Variants in NUBPL observed in about 807,000 individuals in gnomAD.
NUBPL encodes NUBP iron-sulfur cluster assembly factor, mitochondrial, also known as iron-sulfur cluster transfer protein NUBPL.
A neutral mutation model predicts 45.7 loss-of-function variants in NUBPL; 31 were observed. The ratio of observed to expected loss-of-function variants is 0.68; its 90% confidence interval spans 0.51 to 0.92. The LOEUF is 0.92. NUBPL is among the 40% of genes least tolerant of loss of function. The pLI, the probability that NUBPL is intolerant of heterozygous loss-of-function variation, is 0.00. For missense variants in NUBPL, 401 were observed against 398.7 expected (o/e 1.01, Z -0.05); for synonymous variants, 144 against 140.9 (o/e 1.02, Z -0.15).
chr14:31,698,622 T>C (rs539219296), intron 6 of NUBPL, among the ~76,000 whole-genome samples: 14 of 152,304 alleles, frequency 9.2e-5, no homozygotes, highest in African/African-American at 3.1e-4. Context: ...AGGGATATTG[T>C]TATAAATAAA....
At chr14:31,816,300 G>A (rs569398862) in intron 7 of NUBPL, among the ~76,000 whole-genome samples, 2 of 152,130 alleles carry the variant, frequency 1.3e-5, no homozygotes, top group Non-Finnish European at 2.9e-5. Context: ...TCTCCTAGAT[G>A]TTCTAGTTTA....
At chr14:31,813,135 T>TG (rs1235043535) in intron 7 of NUBPL, among the ~76,000 whole-genome samples, 2 of 151,942 alleles carry the variant, frequency 1.3e-5, no homozygotes, top group Non-Finnish European at 2.9e-5. Context: ...TACAGGCACT[T>TG]GCCACCACGC....
intron 6 of NUBPL, among the ~76,000 whole-genome samples, chr14:31,706,418 A>T (rs1410057919): frequency 6.6e-6 from 1 of 152,146 alleles, no homozygotes; most frequent in African/African-American, 2.4e-5. Flanking sequence ...ATTTGACAAG[A>T]AGGTTAAAAA....
At chr14:31,571,181 G>A (rs919729119) in intron 3 of NUBPL, among the ~76,000 whole-genome samples, 1 of 152,126 alleles carries the variant, frequency 6.6e-6, no homozygotes, top group African/African-American at 2.4e-5. Flanking sequence ...CCAGCTTTAT[G>A]TGTCCTATCT....
At chr14:31,724,478 T>G (rs573994350) in intron 6 of NUBPL, among the ~76,000 whole-genome samples, 1 of 152,308 alleles carries the variant, frequency 6.6e-6, no homozygotes, top group African/African-American at 2.4e-5. Context: ...GCATCAGTAT[T>G]ATAAAGTTCC....
At chr14:31,680,516 T>C (rs539167025) in intron 6 of NUBPL, among the ~76,000 whole-genome samples, 9 of 152,230 alleles carry the variant, frequency 5.9e-5, no homozygotes, top group African/African-American at 2.2e-4. Context: ...CTTTTTAATT[T>C]GGTTATTTAT....
At chr14:31,589,629 T>A (rs1173695590) in intron 3 of NUBPL, among the ~76,000 whole-genome samples, 1 of 152,256 alleles carries the variant, frequency 6.6e-6, no homozygotes, top group East Asian at 1.9e-4. Flanking sequence ...AATCTTCTAT[T>A]AGGTATTTTT....
intron 6 of NUBPL, among the ~76,000 whole-genome samples, chr14:31,704,656 C>T (rs530959595): frequency 1.3e-5 from 2 of 151,552 alleles, no homozygotes; most frequent in Non-Finnish European, 2.9e-5. Context: ...AAGAGCAAAA[C>T]TCCATCTTAA....
chr14:31,714,322 G>GA (rs1306355335), intron 6 of NUBPL, among the ~76,000 whole-genome samples: 59 of 149,928 alleles, frequency 3.9e-4, no homozygotes, highest in Non-Finnish European at 6.2e-4. Context: ...CTGAGACTTT[G>GA]AAAAAAAAAC....
At chr14:31,603,258 C>G (rs1276755226) in intron 4 of NUBPL, among the ~76,000 whole-genome samples, 1 of 144,904 alleles carries the variant, frequency 6.9e-6, no homozygotes, top group Admixed American at 7.0e-5. Flanking sequence ...CATGACTGCA[C>G]CACTGTACTC....
intron 6 of NUBPL, among the ~76,000 whole-genome samples, chr14:31,707,583 A>T (rs2037483421): frequency 6.6e-6 from 1 of 152,160 alleles, no homozygotes; most frequent in Non-Finnish European, 1.5e-5. Flanking sequence ...GCAAACGCTG[A>T]TGATTCCAGG....
At chr14:31,745,010 T>C (rs1406182061) in intron 6 of NUBPL, among the ~76,000 whole-genome samples, 3 of 152,068 alleles carry the variant, frequency 2.0e-5, no homozygotes, top group Non-Finnish European at 4.4e-5. Context: ...TCTCCTTTCT[T>C]TCAAAGTTCC....
At chr14:31,788,843 T>A (rs1293691332) in intron 7 of NUBPL, among the ~76,000 whole-genome samples, 1 of 152,234 alleles carries the variant, frequency 6.6e-6, no homozygotes, top group Non-Finnish European at 1.5e-5. Flanking sequence ...CTCTCTCTCC[T>A]GCTCATGTCT....
chr14:31,799,003 G>A (rs186760264), intron 7 of NUBPL, among the ~76,000 whole-genome samples: 1 of 151,874 alleles, frequency 6.6e-6, no homozygotes, highest in East Asian at 1.9e-4. Flanking sequence ...CTATCAAAAA[G>A]TTTTTTTGTG....
At chr14:31,666,263 A>ATATATATATATATTTATTATTT in intron 4 of NUBPL, among the ~76,000 whole-genome samples, 79 of 111,848 alleles carry the variant, frequency 7.1e-4, no homozygotes, top group African/African-American at 2.2e-3. Context: ...ATATATATAT[A>ATATATATATATATTTATTATTT]ATTTTATTTT....
At chr14:31,634,908 T>G (rs1488802158) in intron 4 of NUBPL, among the ~76,000 whole-genome samples, 1 of 146,396 alleles carries the variant, frequency 6.8e-6, no homozygotes, top group Non-Finnish European at 1.5e-5. Flanking sequence ...TGTCTGTTCA[T>G]ATCCTTCGCC....
At chr14:31,632,298 T>G (rs2035366398) in intron 4 of NUBPL, among the ~76,000 whole-genome samples, 1 of 152,176 alleles carries the variant, frequency 6.6e-6, no homozygotes, top group Non-Finnish European at 1.5e-5. Flanking sequence ...CTTGTAGAGA[T>G]GTCTGCCTTC....
chr14:31,708,902 A>G (rs952780270), intron 6 of NUBPL, among the ~76,000 whole-genome samples: 1 of 152,132 alleles, frequency 6.6e-6, no homozygotes, highest in Non-Finnish European at 1.5e-5. Context: ...CTTGTTTCTC[A>G]TTGGACAATC....
At chr14:31,568,362 C>T (rs562253226) in intron 3 of NUBPL, among the ~76,000 whole-genome samples, 14 of 152,308 alleles carry the variant, frequency 9.2e-5, no homozygotes, top group South Asian at 8.3e-4. Context: ...AAGTGCAGCT[C>T]GCTGCCAGCA....
Sources: gnomAD v4.1 joint callset for allele counts (sites outside exome capture counted in the v4.1 genomes callset) on GRCh38, gnomAD v4.1.1 for gene constraint, MANE v1.5 for transcripts, NCBI Gene and HGNC (gene_info 2026-07-23, HGNC 2026-07-21) for gene names.